Variants in FOXN3 observed in about 807,000 individuals in gnomAD.
FOXN3 encodes forkhead box N3.
A neutral mutation model predicts 38.4 loss-of-function variants in FOXN3; 7 were observed. The observed-to-expected ratio is 0.18, with a 90% CI of 0.10 to 0.34. The LOEUF is 0.34. Among genes scored for constraint, FOXN3 ranks in the 10% least tolerant of loss-of-function variants. FOXN3 has a pLI of 1.00. For synonymous variants in FOXN3, 230 were observed against 242.2 expected (o/e 0.95, Z 0.47); for missense variants, 456 against 613.4 (o/e 0.74, Z 2.71).
chr14:89,432,615 T>C (rs4904575), intron 1 of FOXN3, among the ~76,000 whole-genome samples: 96,288 of 151,898 alleles, frequency 0.63, 30,928 homozygotes, highest in African/African-American at 0.72. Context: ...AACTTAAAGA[T>C]CCCCATGTCC....
intron 1 of FOXN3, among the ~76,000 whole-genome samples, chr14:89,473,557 T>C (rs1893152581): frequency 6.6e-6 from 1 of 151,974 alleles, no homozygotes; most frequent in Non-Finnish European, 1.5e-5. Context: ...TTTGTAGAGA[T>C]AGGGTCTTCC....
chr14:89,295,490 A>T (rs1307213067), intron 3 of FOXN3, among the ~76,000 whole-genome samples: 3 of 152,224 alleles, frequency 2.0e-5, no homozygotes, highest in African/African-American at 4.8e-5. Context: ...AGCACACGGA[A>T]GATGGTTGTC....
chr14:89,570,308 G>C (rs1895466055), intron 1 of FOXN3, among the ~76,000 whole-genome samples: 1 of 151,882 alleles, frequency 6.6e-6, no homozygotes, highest in African/African-American at 2.4e-5. Flanking sequence ...CGGTACACTT[G>C]GTAATTTTTA....
At position 89,286,034 on chromosome 14, in the gene FOXN3, GT is replaced by G. The variant is rs200620688; in HGVS notation, c.681-5021del. Among the ~76,000 whole-genome samples, 2 of 150,380 alleles carry G rather than the reference GT, an allele frequency of 1.3e-5. 1 individual carries two copies. The highest frequency in any genetic ancestry group is 4.2e-4 in the South Asian group (2 of 4,744). On this transcript the variant is annotated intron_variant, in intron 3 of 5. Transcript: ENST00000557258. ...GGCACACACCACTATGCCTGGCTAAGTTTTTTTTGTTGTTGTTTGTAGGACA... is the reference window on the plus strand; with the variant it reads ...GGCACACACCACTATGCCTGGCTAAGTTTTTTTGTTGTTGTTTGTAGGACA...
chr14:89,240,850 G>C (rs914079263), intron 4 of FOXN3, among the ~76,000 whole-genome samples: 3 of 152,192 alleles, frequency 2.0e-5, no homozygotes, highest in Non-Finnish European at 4.4e-5. Context: ...TAACCTGCCT[G>C]GGGTCCCACG....
chr14:89,481,597 C>T (rs1216281605), intron 1 of FOXN3, among the ~76,000 whole-genome samples: 1 of 152,060 alleles, frequency 6.6e-6, no homozygotes, highest in East Asian at 1.9e-4. Flanking sequence ...ACACAGATTC[C>T]AATAGTCAGG....
chr14:89,527,031 G>A (rs1894445321), intron 1 of FOXN3, among the ~76,000 whole-genome samples: 1 of 151,422 alleles, frequency 6.6e-6, no homozygotes, highest in Non-Finnish European at 1.5e-5. Flanking sequence ...ATTGAGGACA[G>A]GAAAGGAGGA....
chr14:89,402,832 G>A (rs1891287121), intron 2 of FOXN3, among the ~76,000 whole-genome samples: 1 of 152,160 alleles, frequency 6.6e-6, no homozygotes, highest in South Asian at 2.1e-4. Flanking sequence ...GGAGAAATAC[G>A]CCCCTAGCTT....
chr14:89,191,971 T>TATATAA (rs1887959517), intron 4 of FOXN3, among the ~76,000 whole-genome samples: 1 of 135,632 alleles, frequency 7.4e-6, no homozygotes. Flanking sequence ...TACACATATA[T>TATATAA]ATAACTATAA....
intron 1 of FOXN3, among the ~76,000 whole-genome samples, chr14:89,551,694 T>C (rs539987661): frequency 1.3e-5 from 2 of 152,220 alleles, no homozygotes; most frequent in South Asian, 4.1e-4. Flanking sequence ...GCACAGTGTG[T>C]CTCCAGCCAG....
intron 4 of FOXN3, among the ~76,000 whole-genome samples, chr14:89,192,573 CAT>C (rs1480805051): frequency 1.6e-4 from 22 of 137,840 alleles, no homozygotes; most frequent in Admixed American, 5.1e-4. Context: ...ATATATAACA[CAT>C]ATGTTATATG....
intron 1 of FOXN3, among the ~76,000 whole-genome samples, chr14:89,475,577 C>A (rs1488579818): frequency 6.6e-6 from 1 of 152,156 alleles, no homozygotes; most frequent in East Asian, 1.9e-4. Flanking sequence ...ATCACTTGAG[C>A]CCCGGAGTTT....
At position 89,352,212 on chromosome 14, in the gene FOXN3, C is replaced by A. The variant is rs369302925; in HGVS notation, c.544-1404G>T. Among the ~76,000 whole-genome samples, 4 of 152,294 alleles carry A rather than the reference C, an allele frequency of 2.6e-5. No homozygotes were observed. In the South Asian group the frequency reaches 8.3e-4, roughly 32 times the overall value. Reference sequence around the variant, plus strand: ...CATCAATGTTCTCAGTTTAACCAACCGGATGTTTAAAGACCTGAAAGATTT... The same window carrying A: ...CATCAATGTTCTCAGTTTAACCAACAGGATGTTTAAAGACCTGAAAGATTT... On this transcript the variant is annotated intron_variant, in intron 2 of 5. Coordinates refer to ENST00000557258, the MANE Select transcript of FOXN3 (RefSeq NM_005197.4).
intron 4 of FOXN3, among the ~76,000 whole-genome samples, chr14:89,187,919 G>A (rs188144096): frequency 1.1e-4 from 16 of 152,286 alleles, no homozygotes; most frequent in Admixed American, 9.1e-4. Context: ...AGGGCTGGCG[G>A]TCAGATGGGA....
upstream of FOXN3, among the ~76,000 whole-genome samples, chr14:89,421,808 C>T (rs984662724): frequency 1.6e-4 from 24 of 152,110 alleles, no homozygotes; most frequent in African/African-American, 5.8e-4. Context: ...GGATTACAGG[C>T]GCGAGCCACC....
intron 3 of FOXN3, among the ~76,000 whole-genome samples, chr14:89,282,120 T>A (rs996918628): frequency 6.6e-6 from 1 of 151,896 alleles, no homozygotes; most frequent in African/African-American, 2.4e-5. Flanking sequence ...TTACCAGAGG[T>A]ACAAATAGTA....
intron 1 of FOXN3, among the ~76,000 whole-genome samples, chr14:89,463,170 TC>T (rs1892890574): frequency 6.6e-6 from 1 of 150,858 alleles, no homozygotes; most frequent in Non-Finnish European, 1.5e-5. Context: ...GCGCCTGTAG[TC>T]CCAGCTACTC....
intron 4 of FOXN3, among the ~76,000 whole-genome samples, chr14:89,219,210 A>G (rs1295606897): frequency 6.6e-6 from 1 of 152,072 alleles, no homozygotes; most frequent in Non-Finnish European, 1.5e-5. Context: ...ATCTCGTGAC[A>G]GTGAGTTCTC....
intron 3 of FOXN3, among the ~76,000 whole-genome samples, chr14:89,315,002 C>T (rs1887679207): frequency 1.3e-5 from 2 of 152,048 alleles, no homozygotes; most frequent in South Asian, 2.1e-4. Context: ...CCCCAGTAAT[C>T]ATGTCTCAGA....
Sources: allele counts gnomAD v4.1 joint callset (sites outside exome capture counted in the v4.1 genomes callset), GRCh38; gene constraint gnomAD v4.1.1; transcripts MANE v1.5; gene names NCBI Gene and HGNC (gene_info 2026-07-23, HGNC 2026-07-21).